The following DNER variants were observed in gnomAD, a reference collection of about 807,000 sequenced individuals.
The protein encoded by DNER is delta and Notch-like epidermal growth factor-related receptor.
A neutral mutation model predicts 78.2 loss-of-function variants in DNER; 33 were observed. That is an observed-to-expected ratio of 0.42 (90% CI 0.32 to 0.56). The LOEUF is 0.56. Ranked by LOEUF, DNER falls within the 20% of genes least tolerant of loss-of-function variation. DNER has a pLI of 0.11. For synonymous variants in DNER, 417 were observed against 384.8 expected, an observed-to-expected ratio of 1.08 and a Z score of -0.98; for missense variants, 918 against 975.3, an observed-to-expected ratio of 0.94 and a Z score of 0.78.
intron 8 of DNER, among the ~76,000 whole-genome samples, chr2:229,434,642 T>G (rs1559350848): frequency 6.6e-6 from 1 of 152,120 alleles, no homozygotes; most frequent in African/African-American, 2.4e-5. Context: ...CAGAAGTGTG[T>G]TTTTATTTGG....
At chr2:229,571,020 A>G (rs1237876156) in intron 4 of DNER, among the ~76,000 whole-genome samples, 2 of 152,150 alleles carry the variant, frequency 1.3e-5, no homozygotes, top group Non-Finnish European at 2.9e-5. Context: ...GGTCCTCCCC[A>G]AATATGGTCC....
At chr2:229,590,136 T>C (rs991806633) in intron 2 of DNER, among the ~76,000 whole-genome samples, 6 of 152,036 alleles carry the variant, frequency 3.9e-5, no homozygotes, top group Non-Finnish European at 7.3e-5. Context: ...GTATAAGATA[T>C]AGAATGGAAT....
intron 6 of DNER, among the ~76,000 whole-genome samples, chr2:229,503,489 G>T (rs1439638339): frequency 6.6e-6 from 1 of 152,172 alleles, no homozygotes. Context: ...CTATCATCTC[G>T]AAAGAGTCTC....
intron 6 of DNER, among the ~76,000 whole-genome samples, chr2:229,493,218 C>T (rs1695439702): frequency 6.6e-6 from 1 of 152,154 alleles, no homozygotes; most frequent in Non-Finnish European, 1.5e-5. Context: ...TAAAAATAGG[C>T]TGAAATCACC....
rs563023716 is a variant in DNER, at chr2:229,665,840, A to C, written c.276+48308T>G. Among the ~76,000 whole-genome samples the C allele has an allele frequency of 3.3e-5, 5 of 152,188 alleles. No individual in the cohort carries two copies. In the South Asian group the frequency reaches 1.0e-3, roughly 32 times the overall value. On this transcript the variant is annotated intron_variant, in intron 1 of 12. Transcript: ENST00000341772. The stretch of plus-strand genomic sequence containing the variant: ...AGCTCAGAGTCATCTTTCCCTCTCC[A>C]TCTCTGTGAGTCTAGGCCTTTATCT...
intron 3 of DNER, among the ~76,000 whole-genome samples, 172 bp from the exon 4 acceptor site, chr2:229,586,196 C>T (rs1276278575): frequency 6.6e-6 from 1 of 152,178 alleles, no homozygotes; most frequent in Non-Finnish European, 1.5e-5. Flanking sequence ...TACACTCCCA[C>T]TTGTTCACAG....
intron 6 of DNER, among the ~76,000 whole-genome samples, chr2:229,502,467 G>A (rs1414268808): frequency 6.6e-6 from 1 of 152,114 alleles, no homozygotes; most frequent in African/African-American, 2.4e-5. Context: ...CGATGGCTAT[G>A]GGGCAGATTC....
intron 1 of DNER, among the ~76,000 whole-genome samples, chr2:229,652,040 T>C (rs1222967479): frequency 6.6e-6 from 1 of 152,162 alleles, no homozygotes; most frequent in Admixed American, 6.5e-5. Context: ...GTCATTACTG[T>C]AGCATTTCAA....
intron 5 of DNER, among the ~76,000 whole-genome samples, chr2:229,533,555 T>A (rs10187274): frequency 0.026 from 3,884 of 152,222 alleles, 168 homozygotes; most frequent in African/African-American, 0.089. Flanking sequence ...AACCCTGGAG[T>A]GCACATCTTT....
At chr2:229,422,059 G>T (rs910252484) in intron 8 of DNER, among the ~76,000 whole-genome samples, 5 of 151,916 alleles carry the variant, frequency 3.3e-5, no homozygotes, top group Admixed American at 6.6e-5. Context: ...TTCTTCCTTG[G>T]GGGGGAAAAA....
At chr2:229,562,647 T>C (rs143399143) in intron 4 of DNER, among the ~76,000 whole-genome samples, 6 of 152,088 alleles carry the variant, frequency 3.9e-5, no homozygotes, top group African/African-American at 1.4e-4. Flanking sequence ...AATGGAAAGA[T>C]TACACCAGGC....
At chr2:229,445,149 T>C (rs1007056965) in intron 8 of DNER, among the ~76,000 whole-genome samples, 8 of 152,130 alleles carry the variant, frequency 5.3e-5, no homozygotes, top group South Asian at 2.1e-4. Context: ...TCCAGCACAA[T>C]TGCAGCTTGT....
At chr2:229,449,243 T>C (rs975931163) in intron 7 of DNER, among the ~76,000 whole-genome samples, 2 of 152,234 alleles carry the variant, frequency 1.3e-5, no homozygotes, top group Admixed American at 6.5e-5. Context: ...TTTACTCTGA[T>C]TGAAAAGAAG....
chr2:229,551,659 C>T (rs973268096), intron 4 of DNER, among the ~76,000 whole-genome samples: 1 of 151,542 alleles, frequency 6.6e-6, no homozygotes. Flanking sequence ...TAAGGAAGGG[C>T]GCAGTGGCTC....
chr2:229,648,735 T>A (rs1266173869), intron 1 of DNER, among the ~76,000 whole-genome samples: 3 of 152,234 alleles, frequency 2.0e-5, no homozygotes, highest in Non-Finnish European at 4.4e-5. Context: ...ATTACAGATA[T>A]TATACGGTAA....
At chr2:229,594,235 T>A (rs1476643678) in intron 1 of DNER, among the ~76,000 whole-genome samples, 1 of 152,256 alleles carries the variant, frequency 6.6e-6, no homozygotes, top group Non-Finnish European at 1.5e-5. Flanking sequence ...GAGTAACTTC[T>A]CTTCATGCCA....
intron 1 of DNER, among the ~76,000 whole-genome samples, chr2:229,701,492 A>G (rs1276697709): frequency 2.0e-5 from 3 of 152,240 alleles, no homozygotes; most frequent in Non-Finnish European, 4.4e-5. Flanking sequence ...TTAACTGTGC[A>G]TCTGTATTTT....
chr2:229,515,268 G>C (rs1695947204), intron 5 of DNER, among the ~76,000 whole-genome samples: 1 of 152,134 alleles, frequency 6.6e-6, no homozygotes, highest in Non-Finnish European at 1.5e-5. Flanking sequence ...GTCTTCTAAG[G>C]ACAATCTTGT....
At chr2:229,370,667 C>T (rs1024726108) in intron 11 of DNER, among the ~76,000 whole-genome samples, 1 of 152,162 alleles carries the variant, frequency 6.6e-6, no homozygotes, top group Non-Finnish European at 1.5e-5. Context: ...AGTATTATAA[C>T]ATTCTCTAAA....
Sources: gnomAD v4.1 joint callset for allele counts (sites outside exome capture counted in the v4.1 genomes callset) on GRCh38, gnomAD v4.1.1 for gene constraint, MANE v1.5 for transcripts, NCBI Gene and HGNC (gene_info 2026-07-23, HGNC 2026-07-21) for gene names.